The following TRAK1 variants were observed in gnomAD, a reference collection of about 807,000 sequenced individuals.
TRAK1 encodes the protein trafficking kinesin-binding protein 1.
TRAK1 carries 33 observed loss-of-function variants against 92.1 expected under a neutral mutation model. The observed-to-expected ratio is 0.36, with a 90% CI of 0.27 to 0.48. The LOEUF is 0.48. TRAK1 is among the 20% of genes least tolerant of loss of function. TRAK1 has a pLI of 0.99. For missense variants in TRAK1, 1,123 were observed against 1,257.9 expected, an observed-to-expected ratio of 0.89 and a Z score of 1.62; for synonymous variants, 521 against 517.3, an observed-to-expected ratio of 1.01 and a Z score of -0.10.
At chr3:42,094,466 T>C (rs1705599649) in intron 1 of TRAK1, among the ~76,000 whole-genome samples, 1 of 152,134 alleles carries the variant, frequency 6.6e-6, no homozygotes, top group Non-Finnish European at 1.5e-5. Context: ...AATCTTGAAC[T>C]CCTGGGCTCA....
At chr3:42,191,495 C>T in intron 6 of TRAK1, 63 bp from the exon 7 acceptor site, 3 of 1,491,530 alleles carry the variant, frequency 2.0e-6, no homozygotes, top group Non-Finnish European at 2.7e-6. Context: ...TATGCCTCAG[C>T]CCTTGCCTGC....
intron 10 of TRAK1, among the ~76,000 whole-genome samples, chr3:42,198,016 T>C (rs976631605): frequency 6.6e-6 from 1 of 152,246 alleles, no homozygotes; most frequent in African/African-American, 2.4e-5. Flanking sequence ...TTTCCACATG[T>C]ACATATGTCC....
At chr3:42,133,165 G>A (rs1262257083) in intron 2 of TRAK1, among the ~76,000 whole-genome samples, 1 of 152,048 alleles carries the variant, frequency 6.6e-6, no homozygotes, top group African/African-American at 2.4e-5. Context: ...GGGTCATGCC[G>A]CTCCTTTGTT....
At chr3:42,064,051 C>T (rs567322216) in intron 1 of TRAK1, among the ~76,000 whole-genome samples, 1 of 152,342 alleles carries the variant, frequency 6.6e-6, no homozygotes, top group Admixed American at 6.5e-5. Flanking sequence ...TCATCCCTTT[C>T]AGAGCACTAG....
At position 42,224,976 on chromosome 3, in the gene TRAK1, T is replaced by C. The variant is rs545432661; in HGVS notation, c.*1239T>C. 6.6e-6 allele frequency: 1 copy of C among 152,338 alleles called. No individual in the cohort carries two copies. Among genetic ancestry groups the C allele is most frequent in the African/African-American group, 2.4e-5 (1 of 41,584 alleles). The allele number at this position is 152,338 out of a possible 1,614,324, so 9.4% of individuals were successfully genotyped here. On this transcript the variant is annotated 3_prime_UTR_variant, in exon 16 of 16. Coordinates refer to ENST00000327628, the MANE Select transcript of TRAK1 (RefSeq NM_001042646.3). Reference sequence around the variant, plus strand: ...AGCCTTTTGTCTCCTTGTGCCTCTTTTTATCCTTAGGAAAAGATCCAGGTG... The same window carrying C: ...AGCCTTTTGTCTCCTTGTGCCTCTTCTTATCCTTAGGAAAAGATCCAGGTG...
intron 2 of TRAK1, among the ~76,000 whole-genome samples, chr3:42,163,522 C>T (rs537947224): frequency 4.0e-5 from 6 of 151,422 alleles, no homozygotes; most frequent in South Asian, 2.1e-4. Context: ...GAGCCAAGAT[C>T]GCGCCACTGC....
chr3:42,169,234 C>T (rs539077170), intron 2 of TRAK1, among the ~76,000 whole-genome samples: 4 of 150,308 alleles, frequency 2.7e-5, no homozygotes, highest in East Asian at 3.9e-4. Context: ...GTGGTATTTT[C>T]GTGTGTTTTT....
chr3:42,065,717 C>T (rs1703646426), intron 1 of TRAK1, among the ~76,000 whole-genome samples: 1 of 152,036 alleles, frequency 6.6e-6, no homozygotes, highest in African/African-American at 2.4e-5. Context: ...ACAGCCTCGA[C>T]CTCCTGGGCC....
rs779023924 is a variant in TRAK1 at position 42,065,214 on chromosome 3, C to T, written c.-518-21890C>T. 5.3e-5 allele frequency among the ~76,000 whole-genome samples: 8 copies of T among 151,990 alleles called. No individual in the cohort carries two copies. In the South Asian group the frequency reaches 6.2e-4, roughly 12 times the overall value. ...TTGCAGTGAGCCAAGATTGTGCCAC[C>T]GCACTCCATCCTGGGCCACAGAGCG... On this transcript the variant is annotated intron_variant, in intron 1 of 16. Coordinates refer to the TRAK1 transcript ENST00000487159.
intron 13 of TRAK1, 24 bp from the exon 14 acceptor site, chr3:42,209,743 C>G: frequency 6.2e-7 from 1 of 1,606,606 alleles, no homozygotes; most frequent in South Asian, 1.1e-5. Flanking sequence ...TGTCCCCCTT[C>G]TTCCCTTCCC....
chr3:42,212,322 C>T (rs1709153360), intron 14 of TRAK1: 29 of 985,296 alleles, frequency 2.9e-5, no homozygotes, highest in Non-Finnish European at 3.4e-5. Context: ...GAACTATTGT[C>T]TGCCTGGGAA....
chr3:42,025,436 A>G (rs899564474), intron 1 of TRAK1, among the ~76,000 whole-genome samples: 6 of 152,206 alleles, frequency 3.9e-5, no homozygotes, highest in Non-Finnish European at 8.8e-5. Flanking sequence ...AAGCTACTGA[A>G]TTAATTGGCA....
At chr3:42,041,138 T>TA (rs142346847) in intron 1 of TRAK1, among the ~76,000 whole-genome samples, 2,849 of 131,764 alleles carry the variant, frequency 0.022, 25 homozygotes, top group Non-Finnish European at 0.032. Context: ...AATTTATGCT[T>TA]AAAAAAAAAA....
chr3:42,136,666 A>AAATAAATAAATC (rs1300489912), intron 2 of TRAK1, among the ~76,000 whole-genome samples: 1 of 151,756 alleles, frequency 6.6e-6, no homozygotes, highest in Non-Finnish European at 1.5e-5. Flanking sequence ...ATAAATAAAT[A>AAATAAATAAATC]AATAACATTT....
intron 1 of TRAK1, among the ~76,000 whole-genome samples, chr3:42,102,637 G>A (rs1706947045): frequency 6.6e-6 from 1 of 152,136 alleles, no homozygotes; most frequent in South Asian, 2.1e-4. Context: ...TCTGCTGATG[G>A]GGCTGTGTTC....
intron 1 of TRAK1, among the ~76,000 whole-genome samples, chr3:42,017,971 T>C (rs1701587415): frequency 1.3e-5 from 2 of 151,854 alleles, no homozygotes; most frequent in African/African-American, 4.8e-5. Flanking sequence ...AGACAGGTTC[T>C]TGCTATGTAA....
chr3:42,040,668 C>T lies in TRAK1; in HGVS notation c.-519+26551C>T, dbSNP rs139256797. The stretch of plus-strand genomic sequence containing the variant: ...AGTTCACTGATCTGTATATCCTATG[C>T]CAGTACTACACCTTTTTTTTTTTTT... On this transcript the variant is annotated intron_variant, in intron 1 of 16. Transcript: ENST00000487159. Among the ~76,000 whole-genome samples the T allele has an allele frequency of 4.4e-3, 668 of 151,510 alleles. 5 individuals carry two copies. Among genetic ancestry groups the T allele is most frequent in the Middle Eastern group, 6.8e-3 (2 of 292 alleles).
At chr3:42,187,994 G>C (rs541728677) in intron 4 of TRAK1, 51 bp from the exon 5 acceptor site, 3 of 1,487,344 alleles carry the variant, frequency 2.0e-6, no homozygotes, top group East Asian at 2.3e-5. Context: ...AGTCGGGGGG[G>C]ACAGTATCAC....
intron 14 of TRAK1, chr3:42,218,293 A>G (rs1302994092): frequency 2.0e-6 from 2 of 985,188 alleles, no homozygotes; most frequent in Non-Finnish European, 2.4e-6. Flanking sequence ...CTTTTTGTCA[A>G]ATCCAAGAGA....
Sources: gnomAD v4.1 joint callset for allele counts (sites outside exome capture counted in the v4.1 genomes callset) on GRCh38, gnomAD v4.1.1 for gene constraint, MANE v1.5 for transcripts, NCBI Gene and HGNC (gene_info 2026-07-23, HGNC 2026-07-21) for gene names.